KRT75: variants seen among roughly 807,000 people sequenced by gnomAD.
KRT75 encodes keratin 75.
Under a neutral mutation model 48.8 loss-of-function variants are expected in KRT75, and 35 were observed. That is an observed-to-expected ratio of 0.72 (90% CI 0.55 to 0.95). The LOEUF (loss-of-function observed/expected upper bound fraction) is 0.95, where lower values mean the gene tolerates loss of function less well. Among genes scored for constraint, KRT75 ranks in the 40% least tolerant of loss-of-function variants. The pLI, the probability that KRT75 is intolerant of heterozygous loss-of-function variation, is 0.00. For synonymous variants in KRT75, 301 were observed against 282.3 expected (o/e 1.07, Z -0.66); for missense variants, 776 against 709.9 (o/e 1.09, Z -1.06).
At chr12:52,429,588 A>G (rs558028404) in intron 5 of KRT75, among the ~76,000 whole-genome samples, 1 of 152,286 alleles carries the variant, frequency 6.6e-6, no homozygotes, top group Admixed American at 6.5e-5. Context: ...TACATGATTA[A>G]ATGGAGCAAC....
chr12:52,426,989 G>C, intron 7 of KRT75, 138 bp from the exon 8 acceptor site: 1 of 728,706 alleles, frequency 1.4e-6, no homozygotes, highest in Admixed American at 2.0e-5. Flanking sequence ...AATGCAGGTT[G>C]AAATTATTTG....
At chr12:52,428,854 A>T in intron 5 of KRT75, 111 bp from the exon 6 acceptor site, 1 of 1,270,858 alleles carries the variant, frequency 7.9e-7, no homozygotes, top group Non-Finnish European at 1.1e-6. Flanking sequence ...ATTCCTGGTC[A>T]TTCACTCATT....
chr12:52,425,551 A>G (rs1201652414), intron 8 of KRT75, among the ~76,000 whole-genome samples: 1 of 152,222 alleles, frequency 6.6e-6, no homozygotes, highest in Non-Finnish European at 1.5e-5. Flanking sequence ...AGCCACAGAC[A>G]CACAGGGACA....
intron 6 of KRT75, 46 bp from the exon 7 acceptor site, chr12:52,428,522 A>G: frequency 6.2e-7 from 1 of 1,612,656 alleles, no homozygotes; most frequent in Non-Finnish European, 8.5e-7. Flanking sequence ...CAGCCCATGG[A>G]GGTGTGGTGC....
Position 52,424,523 on chromosome 12 carries a change from C to T in KRT75, c.1650G>A (p.Thr550=), listed in dbSNP as rs777292752. Residue 550 remains threonine, a synonymous_variant, in exon 9 of 9, where the codon ACG becomes ACA. Coordinates refer to ENST00000252245, the MANE Select transcript of KRT75 (RefSeq NM_004693.3). ...STTSSSQKSY[T]H ...AGGGAGCCATGGGGCTCTCTTAGTGCGTGTAGCTCTTCTGGCTGGAGGATG... is the reference window on the plus strand; with the variant it reads ...AGGGAGCCATGGGGCTCTCTTAGTGTGTGTAGCTCTTCTGGCTGGAGGATG... The T allele has an allele frequency of 2.1e-5, 34 of 1,613,740 alleles. No homozygotes were observed. Among genetic ancestry groups the T allele is most frequent in the African/African-American group, 2.7e-5 (2 of 74,904 alleles).
rs1798640 is a variant in KRT75, at chr12:52,431,579, G to A, written c.834C>T (p.Pro278=). The change falls in exon 4 of 9, where the codon CCC becomes CCT. Residue 278 remains proline, a synonymous_variant. Transcript: ENST00000252245. ...VELEAKVKSL[P]EEINFIHSVF... Reference sequence around the variant, plus strand: ...CTGAGTGGATGAAGTTGATCTCCTCGGGCAGAGATTTGACCTTGGCTTCCA... The same window carrying A: ...CTGAGTGGATGAAGTTGATCTCCTCAGGCAGAGATTTGACCTTGGCTTCCA... 951,155 of 1,612,002 alleles carry A rather than the reference G, an allele frequency of 0.59. 282,900 individuals carry two copies. The highest frequency in any genetic ancestry group is 0.72 in the East Asian group (32,121 of 44,862).
rs1940049975 is a variant in KRT75 at position 52,424,326 on chromosome 12, G to A, written c.*191C>T. 2 of 709,256 alleles carry A rather than the reference G, an allele frequency of 2.8e-6. No homozygotes were observed. Among genetic ancestry groups the A allele is most frequent in the Admixed American group, 1.9e-5 (1 of 53,876 alleles). The allele number at this position is 709,256 out of a possible 1,614,324, so 43.9% of individuals were successfully genotyped here. A position where few individuals can be genotyped will look rare whatever the true frequency, so the allele number is the denominator to read the frequency against. Reference sequence around the variant, plus strand: ...TTGGTTTCACATGTGTAACAGACGGGTGCTGCTGGCAGTCTGGGCACTGTC... The same window carrying A: ...TTGGTTTCACATGTGTAACAGACGGATGCTGCTGGCAGTCTGGGCACTGTC... On this transcript the variant is annotated 3_prime_UTR_variant, in exon 9 of 9. Transcript: ENST00000252245.
At chr12:52,425,414 C>A (rs1319289768) in intron 8 of KRT75, among the ~76,000 whole-genome samples, 1 of 152,210 alleles carries the variant, frequency 6.6e-6, no homozygotes, top group African/African-American at 2.4e-5. Context: ...CACCAGTATC[C>A]GTGAATGCAA....
chr12:52,433,484 C>T (rs1243861224), intron 1 of KRT75, among the ~76,000 whole-genome samples: 2 of 151,772 alleles, frequency 1.3e-5, no homozygotes, highest in Admixed American at 6.5e-5. Flanking sequence ...TGGGGAGCTG[C>T]TCTTGGGTTA....
chr12:52,430,567 C>T lies in KRT75; in HGVS notation c.1009G>A (p.Glu337Lys), dbSNP rs2232398. The change falls in exon 5 of 9, where the codon GAG (glutamate) becomes AAG (lysine). Residue 337 changes from glutamate to lysine, a missense_variant. Transcript: ENST00000252245. ...TTGGTCTGGTACCAGGACTCAGCCT[C>T]GGCCCGGCTGCGGTTGGCAATGTCC... is the stretch of plus-strand genomic sequence containing the variant. ...YEDIANRSRA[E>K]AESWYQTKYE... is the part of the protein sequence containing the mutation. The T allele has an allele frequency of 9.8e-3, 15,883 of 1,614,128 alleles. 109 individuals are homozygous for T. Among genetic ancestry groups the T allele is most frequent in the Non-Finnish European group, 0.012 (13,843 of 1,179,992 alleles).
chr12:52,433,342 T>G lies in KRT75; in HGVS notation c.499-90A>C, dbSNP rs565609549. 2.5e-5 allele frequency: 29 copies of G among 1,152,104 alleles called. No individual in the cohort carries two copies. The South Asian group carries it at 3.7e-4, about 15-fold the overall frequency. 71.4% of individuals were successfully genotyped at this position (1,152,104 alleles called of 1,614,324 possible). On this transcript the variant is annotated intron_variant, in intron 1 of 8. Transcript: ENST00000252245. ...AATAAGGGAGAGAAGAAAAAGATAT[T>G]TTTTTCACTTGGCACCCATTGACAA...
At position 52,432,045 on chromosome 12, in the gene KRT75, C is replaced by T. The variant is rs778341842; in HGVS notation, c.735G>A (p.Lys245=). 6.2e-7 allele frequency: 1 copy of T among 1,614,200 alleles called. No homozygotes were observed. Among genetic ancestry groups the T allele is most frequent in the Non-Finnish European group, 8.5e-7 (1 of 1,180,030 alleles). Residue 245 remains lysine, a synonymous_variant, in exon 3 of 9, where the codon AAG becomes AAA. Transcript: ENST00000252245. The stretch of plus-strand genomic sequence containing the variant: ...CAAATTCATTCTCAGCAGCTGTGCG[C>T]TTGTTAATTTCATCTTCGTACCTAT... ...FKVRYEDEIN[K]RTAAENEFVA...
intron 4 of KRT75, 54 bp downstream of exon 4, chr12:52,431,489 T>C: frequency 7.8e-7 from 1 of 1,289,854 alleles, no homozygotes; most frequent in South Asian, 1.2e-5. Context: ...TGCATCATCC[T>C]TTTCTTTCCA....
rs770405794 is a variant in KRT75 at position 52,433,895 on chromosome 12, T to A, written c.410A>T (p.Gln137Leu). The A allele has an allele frequency of 2.1e-5, 34 of 1,614,042 alleles. No homozygotes were observed. Among genetic ancestry groups the A allele is most frequent in the South Asian group, 3.3e-5 (3 of 91,086 alleles). ...NQSLLTPLHL[Q>L]IDPTIQRVRA... ...CACCCGCTGGATGGTGGGGTCGATT[T>A]GCAGGTGAAGAGGAGTCAGGAGACT... The change falls in exon 1 of 9, where the codon CAA becomes CTA. Residue 137 changes from glutamine to leucine, a missense_variant. Gln to Leu is a moderately radical substitution (Grantham distance 113). Coordinates refer to ENST00000252245, the MANE Select transcript of KRT75 (RefSeq NM_004693.3).
chr12:52,431,420 C>T, intron 4 of KRT75, 123 bp downstream of exon 4: 4 of 807,316 alleles, frequency 5.0e-6, no homozygotes, highest in Non-Finnish European at 8.6e-6. Context: ...ACCCAAGCCC[C>T]AGCTTGAAGT....
Position 52,430,619 on chromosome 12 carries a change from G to T in KRT75, c.957C>A (p.Ile319=), listed in dbSNP as rs1199542586. The change falls in exon 5 of 9, where the codon ATC becomes ATA. Residue 319 remains isoleucine (I), a synonymous_variant. Coordinates refer to ENST00000252245, the MANE Select transcript of KRT75 (RefSeq NM_004693.3). ...CGTATTGTGCTTTGACCTCGGCGAT[G>T]ATACTATCCAGGTCCAGGTTGCGGT... ...DNNRNLDLDS[I]IAEVKAQYED... The T allele has an allele frequency of 6.2e-7, 1 of 1,614,098 alleles. No individual in the cohort carries two copies. Among genetic ancestry groups the T allele is most frequent in the Non-Finnish European group, 8.5e-7 (1 of 1,180,048 alleles).
chr12:52,427,851 G>A (rs1032666998), intron 7 of KRT75, among the ~76,000 whole-genome samples: 5 of 152,146 alleles, frequency 3.3e-5, no homozygotes, highest in Non-Finnish European at 7.4e-5. Flanking sequence ...TTTTATCATT[G>A]AAGAAATTGA....
rs1243790834 is a variant in KRT75, at chr12:52,430,661, CA to C, written c.914del (p.Val305GlyfsTer66). ...GGTTGCGGTTGTTGTCCATGGACAG[CA>C]CCACGGATGTGTCACCGACCTGGGT... ...LQTQVGDTSVVLSMDNNRNLD... is the reference protein window; with the variant it reads ...LQTQVGDTSVXLSMDNNRNLD... On this transcript the variant is annotated frameshift_variant, in exon 5 of 9. Coordinates refer to ENST00000252245, the MANE Select transcript of KRT75 (RefSeq NM_004693.3). LOFTEE classifies it high-confidence loss of function. 8.1e-6 allele frequency: 13 copies of C among 1,614,042 alleles called. No individual in the cohort carries two copies. Among genetic ancestry groups the C allele is most frequent in the Non-Finnish European group, 1.1e-5 (13 of 1,180,022 alleles).
At chr12:52,430,951 T>C (rs1311804734) in intron 4 of KRT75, among the ~76,000 whole-genome samples, 1 of 152,160 alleles carries the variant, frequency 6.6e-6, no homozygotes, top group Non-Finnish European at 1.5e-5. Flanking sequence ...ATCCTCTGAA[T>C]TGGAATTACA....
Sources: allele counts gnomAD v4.1 joint callset (sites outside exome capture counted in the v4.1 genomes callset), GRCh38; gene constraint gnomAD v4.1.1; transcripts MANE v1.5; gene names NCBI Gene and HGNC (gene_info 2026-07-23, HGNC 2026-07-21).